The following GMFB variants were observed in gnomAD, a reference collection of about 807,000 sequenced individuals.
GMFB encodes the protein GMF-beta.
A neutral mutation model predicts 25.6 loss-of-function variants in GMFB; 13 were observed. The observed-to-expected ratio is 0.51, with a 90% CI of 0.33 to 0.81. GMFB has a LOEUF of 0.81. Ranked by LOEUF, GMFB falls within the 30% of genes least tolerant of loss-of-function variation. The probability of loss-of-function intolerance (pLI) is 0.02; values close to 1 mark genes in which losing one functional copy is unlikely to be tolerated. For synonymous variants in GMFB, 57 were observed against 56.9 expected (o/e 1.00, Z 0.00); for missense variants, 146 against 175.4 (o/e 0.83, Z 0.95).
intron 5 of GMFB, 54 bp downstream of exon 5, chr14:54,480,820 A>T (rs2031701070): frequency 8.1e-6 from 7 of 865,650 alleles, no homozygotes; most frequent in Non-Finnish European, 1.3e-5. Flanking sequence ...TCTAGTATAA[A>T]ATGGCTTAAT....
At chr14:54,478,253 C>T in intron 6 of GMFB, 94 bp from the exon 7 acceptor site, 1 of 488,622 alleles carries the variant, frequency 2.0e-6, no homozygotes, top group Non-Finnish European at 3.7e-6. Context: ...GTATTATACA[C>T]CAAACTATTT....
At chr14:54,484,027 A>G (rs1412548101) in intron 1 of GMFB, 3 of 561,468 alleles carry the variant, frequency 5.3e-6, no homozygotes, top group Non-Finnish European at 1.0e-5. Flanking sequence ...TGTCTCAAAA[A>G]CCACACACAT....
chr14:54,483,357 TCCC>T, intron 2 of GMFB: 1 of 237,032 alleles, frequency 4.2e-6, no homozygotes. Flanking sequence ...CTATTTTTAG[TCCC>T]CCAAGAAGGA....
Position 54,475,326 on chromosome 14 carries a change from GCTACATTTGA to G in GMFB, c.*2752_*2761del. On this transcript the variant is annotated 3_prime_UTR_variant, in exon 7 of 7. Transcript: ENST00000358056. ...GTGTCAGACAAGGATACAGTTTATG[GCTACATTTGA>G]CTCCTGAAAATAGGAGATAAAAAAG... 1 of 152,482 alleles carries G rather than the reference GCTACATTTGA, an allele frequency of 6.6e-6. No individual in the cohort carries two copies. Among genetic ancestry groups the G allele is most frequent in the African/African-American group, 2.4e-5 (1 of 41,420 alleles). The allele number at this position is 152,482 out of a possible 1,614,324, so 9.4% of individuals were successfully genotyped here.
In GMFB at chr14:54,479,782, C is replaced by T; in HGVS notation, c.357+4G>A. The T allele has an allele frequency of 6.5e-7, 1 of 1,546,466 alleles. No homozygotes were observed. The highest frequency in any genetic ancestry group is 8.9e-7 in the Non-Finnish European group (1 of 1,119,028). ...TCAACAAGTCAGTCAAATATAAATA[C>T]CACCTTGGTTAGTTCAGCTGTCTGG... is the stretch of plus-strand genomic sequence containing the variant. On this transcript the variant is annotated splice_donor_region_variant and intron_variant, in intron 6 of 6. Transcript: ENST00000358056.
chr14:54,480,715 T>C (rs1237167853), intron 5 of GMFB, 159 bp downstream of exon 5: 1 of 528,082 alleles, frequency 1.9e-6, no homozygotes, highest in South Asian at 2.9e-5. Context: ...TTTCTAGGGA[T>C]GCATGCACAC....
chr14:54,481,307 T>A (rs79169357), intron 4 of GMFB, 102 bp downstream of exon 4: 3 of 802,162 alleles, frequency 3.7e-6, no homozygotes, highest in Non-Finnish European at 6.5e-6. Flanking sequence ...TTGGCTGTCA[T>A]CATGACACAG....
At position 54,487,471 on chromosome 14, in the gene GMFB, G is replaced by A. The variant is rs191873419; in HGVS notation, c.3+1454C>T. Reference sequence around the variant, plus strand: ...AACGAACGGCGTGAACCAGGGAGGCGGAGCTTGCAGTGAGCGGAGATCGCG... The same window carrying A: ...AACGAACGGCGTGAACCAGGGAGGCAGAGCTTGCAGTGAGCGGAGATCGCG... On this transcript the variant is annotated intron_variant, in intron 1 of 6. Transcript: ENST00000358056. 3.0e-3 allele frequency among the ~76,000 whole-genome samples: 455 copies of A among 152,280 alleles called. 4 individuals are homozygous for A. Among genetic ancestry groups the A allele is most frequent in the Middle Eastern group, 0.014 (4 of 294 alleles).
In GMFB at chr14:54,479,877, G is replaced by A. The variant is rs192472698; in HGVS notation, c.284-18C>T. The A allele has an allele frequency of 6.9e-6, 10 of 1,459,080 alleles. No homozygotes were observed. The highest frequency in any genetic ancestry group is 1.7e-4 in the Middle Eastern group (1 of 5,748). The allele number at this position is 1,459,080 out of a possible 1,614,324, so 90.4% of individuals were successfully genotyped here. ...CTTACATCCTGGAAAAGAGAGATTAGTGTAGAAATGAGACACAGATTTTGA... is the reference window on the plus strand; with the variant it reads ...CTTACATCCTGGAAAAGAGAGATTAATGTAGAAATGAGACACAGATTTTGA... On this transcript the variant is annotated intron_variant, in intron 5 of 6. Coordinates refer to ENST00000358056, the MANE Select transcript of GMFB (RefSeq NM_004124.3).
intron 1 of GMFB, among the ~76,000 whole-genome samples, chr14:54,487,787 C>T (rs1017933791): frequency 6.6e-6 from 1 of 152,142 alleles, no homozygotes; most frequent in Non-Finnish European, 1.5e-5. Context: ...ATTCACAAGT[C>T]ATCTGAATAT....
intron 1 of GMFB, 103 bp downstream of exon 1, chr14:54,488,822 C>T: frequency 3.4e-6 from 3 of 894,424 alleles, no homozygotes; most frequent in Non-Finnish European, 4.8e-6. Context: ...GGCCGCCGAG[C>T]CCTCCTGGGC....
chr14:54,481,364 A>G, intron 4 of GMFB, 45 bp downstream of exon 4: 1 of 1,262,804 alleles, frequency 7.9e-7, no homozygotes, highest in Non-Finnish European at 1.2e-6. Flanking sequence ...AACAGGTCTG[A>G]CCACTAAAGA....
intron 1 of GMFB, among the ~76,000 whole-genome samples, chr14:54,488,371 T>C (rs575355629): frequency 4.6e-4 from 70 of 152,238 alleles, no homozygotes; most frequent in African/African-American, 1.5e-3. Context: ...CCAACTGCCA[T>C]AGGAAAGCAA....
chr14:54,480,588 A>T lies in GMFB; in HGVS notation c.283+286T>A, dbSNP rs1470576345. On this transcript the variant is annotated intron_variant, in intron 5 of 6. Transcript: ENST00000358056. ...AATATAAAAAGAAAATACTTCTGCT[A>T]TATTAGAATGTCATCACGTTTCAAA... 4 of 262,538 alleles carry T rather than the reference A, an allele frequency of 1.5e-5. No homozygotes were observed. In the South Asian group the frequency reaches 3.5e-4, roughly 23 times the overall value. 16.3% of individuals were successfully genotyped at this position (262,538 alleles called of 1,614,324 possible).
At chr14:54,488,618 T>C in intron 1 of GMFB, 1 of 369,760 alleles carries the variant, frequency 2.7e-6, no homozygotes, top group South Asian at 8.6e-5. Flanking sequence ...GCTCAGAAGC[T>C]GAAGCCCTCC....
intron 5 of GMFB, 123 bp from the exon 6 acceptor site, chr14:54,479,982 T>A: frequency 1.6e-6 from 1 of 630,794 alleles, no homozygotes; most frequent in Middle Eastern, 3.7e-4. Flanking sequence ...TTACAGAATA[T>A]ATATGGGTTG....
rs1482027066 is a variant in GMFB, at chr14:54,477,436, T to A, written c.*652A>T. 1 of 152,342 alleles carries A rather than the reference T, an allele frequency of 6.6e-6. No individual in the cohort carries two copies. Among genetic ancestry groups the A allele is most frequent in the African/African-American group, 2.4e-5 (1 of 41,420 alleles). 9.4% of individuals were successfully genotyped at this position (152,342 alleles called of 1,614,324 possible). On this transcript the variant is annotated 3_prime_UTR_variant, in exon 7 of 7. Transcript: ENST00000358056. ...CCCTTGATTATTACAACCCACCAAT[T>A]TCTAAGACTAAGATGCTATAAGGAG... is the stretch of plus-strand genomic sequence containing the variant.
At position 54,488,008 on chromosome 14, in the gene GMFB, G is replaced by GA. The variant is rs577919118; in HGVS notation, c.3+916dup. On this transcript the variant is annotated intron_variant, in intron 1 of 6. Transcript: ENST00000358056. The stretch of plus-strand genomic sequence containing the variant: ...GGAAGAGAATGCTTCAAAAACAAGA[G>GA]AGTATAACACTCTGGAATGCAGCTA... Among the ~76,000 whole-genome samples, 14 of 152,306 alleles carry GA rather than the reference G, an allele frequency of 9.2e-5. 1 individual carries two copies. The South Asian group carries it at 1.2e-3, about 14-fold the overall frequency.
At chr14:54,483,991 T>C in intron 1 of GMFB, 1 of 635,204 alleles carries the variant, frequency 1.6e-6, no homozygotes, top group Non-Finnish European at 2.9e-6. Flanking sequence ...GTAAGGTATA[T>C]TTTAACTTTC....
Sources: gnomAD v4.1 joint callset for allele counts (sites outside exome capture counted in the v4.1 genomes callset) on GRCh38, gnomAD v4.1.1 for gene constraint, MANE v1.5 for transcripts, NCBI Gene and HGNC (gene_info 2026-07-23, HGNC 2026-07-21) for gene names.